ABI2: variants seen among roughly 807,000 people sequenced by gnomAD.
ABI2 encodes the protein abelson interactor 2.
Under a neutral mutation model 59.2 loss-of-function variants are expected in ABI2, and 25 were observed. That is an observed-to-expected ratio of 0.42 (90% CI 0.31 to 0.59). The LOEUF (loss-of-function observed/expected upper bound fraction) is 0.59. ABI2 is among the 20% of genes least tolerant of loss of function. The pLI is 0.14. For synonymous variants in ABI2, 213 were observed against 235.5 expected, an observed-to-expected ratio of 0.90 and a Z score of 0.87; for missense variants, 545 against 681.8, an observed-to-expected ratio of 0.80 and a Z score of 2.23.
At chr2:203,329,058 G>C (rs2070761231) in intron 1 of ABI2, 1 of 156,696 alleles carries the variant, frequency 6.4e-6, no homozygotes, top group African/African-American at 2.4e-5. Flanking sequence ...TTTTTAAGGG[G>C]TTATCTTGCT....
intron 9 of ABI2, 140 bp from the exon 10 acceptor site, chr2:203,411,145 A>C (rs2097657719): frequency 1.4e-6 from 1 of 739,374 alleles, no homozygotes. Flanking sequence ...GTCCCTCAAC[A>C]GGGGATCCTT....
At chr2:203,358,758 C>A (rs1353499665) in intron 1 of ABI2, among the ~76,000 whole-genome samples, 3 of 152,148 alleles carry the variant, frequency 2.0e-5, no homozygotes, top group Admixed American at 2.0e-4. Context: ...ACCTGTAATT[C>A]CAGCACTTTG....
At position 203,429,953 on chromosome 2, in the gene ABI2, T is replaced by C. The variant is rs2098469470; in HGVS notation, c.*2601T>C. On this transcript the variant is annotated 3_prime_UTR_variant, in exon 12 of 12. Transcript: ENST00000261018. ...TGGGAGCAGGGGTAGTCCATGGGTC[T>C]GCTGATTTTTTTTCCCTATTTAGTA... The C allele has an allele frequency of 6.6e-6, 1 of 152,142 alleles. No individual in the cohort carries two copies. The highest frequency in any genetic ancestry group is 2.4e-5 in the African/African-American group (1 of 41,432). 9.4% of individuals were successfully genotyped at this position (152,142 alleles called of 1,614,324 possible). A position where few individuals can be genotyped will look rare whatever the true frequency, so the allele number is the denominator to read the frequency against.
chr2:203,347,857 C>A (rs2084714531), intron 1 of ABI2, among the ~76,000 whole-genome samples: 1 of 152,134 alleles, frequency 6.6e-6, no homozygotes, highest in South Asian at 2.1e-4. Context: ...TAGGATTAAC[C>A]TTTTGTAATG....
intron 11 of ABI2, 113 bp downstream of exon 11, chr2:203,417,194 AT>A: frequency 2.0e-6 from 2 of 994,680 alleles, no homozygotes; most frequent in South Asian, 4.9e-5. Context: ...ATTTATTTGT[AT>A]TTGTGCATTT....
chr2:203,413,685 G>GACT (rs1394994645), intron 10 of ABI2, among the ~76,000 whole-genome samples: 1 of 152,026 alleles, frequency 6.6e-6, no homozygotes, highest in Admixed American at 6.6e-5. Flanking sequence ...AACATTATTT[G>GACT]AATGTTTAAG....
intron 1 of ABI2, among the ~76,000 whole-genome samples, chr2:203,340,102 A>G (rs895415365): frequency 2.6e-5 from 4 of 152,240 alleles, no homozygotes; most frequent in African/African-American, 7.2e-5. Flanking sequence ...AACATTAGGT[A>G]AGTGAAATAA....
chr2:203,389,569 A>AC (rs2096660066), intron 4 of ABI2, among the ~76,000 whole-genome samples: 1 of 152,232 alleles, frequency 6.6e-6, no homozygotes, highest in Admixed American at 6.5e-5. Flanking sequence ...ACAGTTATAA[A>AC]TGTATTCTGA....
intron 10 of ABI2, 71 bp from the exon 11 acceptor site, chr2:203,416,837 C>T: frequency 3.5e-6 from 5 of 1,429,582 alleles, no homozygotes; most frequent in Middle Eastern, 1.8e-4. Flanking sequence ...TCCATGAACC[C>T]AGAAGCTTGG....
intron 11 of ABI2, among the ~76,000 whole-genome samples, chr2:203,424,864 A>G (rs1475438835): frequency 6.6e-6 from 1 of 152,024 alleles, no homozygotes; most frequent in African/African-American, 2.4e-5. Flanking sequence ...AATTCTATCT[A>G]ATCTAGTTTC....
chr2:203,416,114 T>C (rs1178135699), intron 10 of ABI2, among the ~76,000 whole-genome samples: 1 of 152,218 alleles, frequency 6.6e-6, no homozygotes, highest in Non-Finnish European at 1.5e-5. Flanking sequence ...AAGAGGAAAG[T>C]AGTGGGTTAT....
chr2:203,348,613 C>G (rs747516242), intron 1 of ABI2, among the ~76,000 whole-genome samples: 27 of 152,132 alleles, frequency 1.8e-4, no homozygotes, highest in Non-Finnish European at 2.8e-4. Flanking sequence ...GTAATATCAC[C>G]TCACCTGGGT....
chr2:203,411,463 T>C (rs1057365580), intron 10 of ABI2, 92 bp downstream of exon 10: 4 of 951,144 alleles, frequency 4.2e-6, no homozygotes, highest in Admixed American at 2.2e-5. Context: ...CATTTGCTGA[T>C]ACTTCAACAT....
intron 4 of ABI2, among the ~76,000 whole-genome samples, chr2:203,384,310 T>TTTTTG (rs2096352089): frequency 7.2e-6 from 1 of 139,668 alleles, no homozygotes; most frequent in African/African-American, 2.9e-5. Context: ...TTTTTTTTTT[T>TTTTTG]TTTTTTTTTT....
At chr2:203,418,085 AG>A (rs1206155807) in intron 11 of ABI2, among the ~76,000 whole-genome samples, 10 of 152,228 alleles carry the variant, frequency 6.6e-5, no homozygotes, top group African/African-American at 2.2e-4. Context: ...GGCACAGAGA[AG>A]AAAGTGGAAA....
intron 1 of ABI2, among the ~76,000 whole-genome samples, chr2:203,365,373 G>C (rs2094266342): frequency 6.6e-6 from 1 of 151,988 alleles, no homozygotes; most frequent in African/African-American, 2.4e-5. Context: ...TGTTTAGTCA[G>C]CCTCATGCTT....
intron 3 of ABI2, 44 bp from the exon 4 acceptor site, chr2:203,382,145 C>G: frequency 6.7e-7 from 1 of 1,499,860 alleles, no homozygotes; most frequent in East Asian, 2.5e-5. Flanking sequence ...CCTTTCAATG[C>G]TTTTTTTCCT....
Position 203,428,799 on chromosome 2 carries a change from C to T in ABI2, c.*1447C>T, listed in dbSNP as rs895486920. 7 of 152,192 alleles carry T rather than the reference C, an allele frequency of 4.6e-5. No individual in the cohort carries two copies. The highest frequency in any genetic ancestry group is 1.2e-4 in the African/African-American group (5 of 41,442). The allele number at this position is 152,192 out of a possible 1,614,324, so 9.4% of individuals were successfully genotyped here. ...TCCTGTTCAGGTCCAGAGCTGCTAA[C>T]GTGGGTTCTACTCAGTCCCAGTGAC... is the stretch of plus-strand genomic sequence containing the variant. On this transcript the variant is annotated 3_prime_UTR_variant, in exon 12 of 12. Coordinates refer to ENST00000261018, the MANE Select transcript of ABI2 (RefSeq NM_001375670.1).
At chr2:203,376,366 C>G (rs1321751006) in intron 2 of ABI2, among the ~76,000 whole-genome samples, 3 of 152,120 alleles carry the variant, frequency 2.0e-5, no homozygotes, top group Non-Finnish European at 1.5e-5. Flanking sequence ...GTCAATAGTG[C>G]CACTGTTGAG....
Sources: allele counts gnomAD v4.1 joint callset (sites outside exome capture counted in the v4.1 genomes callset), GRCh38; gene constraint gnomAD v4.1.1; transcripts MANE v1.5; gene names NCBI Gene and HGNC (gene_info 2026-07-23, HGNC 2026-07-21).